Variants in PLCG1 observed in about 807,000 individuals in gnomAD.
The protein encoded by PLCG1 is phospholipase C gamma 1, also known as 1-phosphatidylinositol 4,5-bisphosphate phosphodiesterase gamma-1.
A neutral mutation model predicts 177.8 loss-of-function variants in PLCG1; 71 were observed. The observed-to-expected ratio is 0.40, with a 90% CI of 0.33 to 0.49. The LOEUF is 0.49. Among genes scored for constraint, PLCG1 ranks in the 20% least tolerant of loss-of-function variants. The pLI is 0.72. For synonymous variants in PLCG1, 658 were observed against 647.9 expected (o/e 1.02, Z -0.24); for missense variants, 1,281 against 1,709.0 (o/e 0.75, Z 4.42).
At position 41,166,042 on chromosome 20, in the gene PLCG1, GTTCATGTGA is replaced by G; in HGVS notation, c.1800-151_1800-143del. The G allele has an allele frequency of 2.8e-6, 2 of 716,894 alleles. No homozygotes were observed. Among genetic ancestry groups the G allele is most frequent in the Admixed American group, 2.8e-5 (1 of 35,814 alleles). The allele number at this position is 716,894 out of a possible 1,614,324, so 44.4% of individuals were successfully genotyped here. A position where few individuals can be genotyped will look rare whatever the true frequency, so the allele number is the denominator to read the frequency against. On this transcript the variant is annotated intron_variant, in intron 16 of 31. Transcript: ENST00000685551. The surrounding 1 kb of genome is among the most constrained non-coding windows in gnomAD (Gnocchi z 8.6). ...GGTTCATTTGAAGCCCACACCTTTG[GTTCATGTGA>G]CTGCCCACACCTGAGCTCCTCAGGA...
In PLCG1 at chr20:41,165,129, C is replaced by T. The variant is rs199871397; in HGVS notation, c.1386+28C>T. Reference sequence around the variant, plus strand: ...GGGGTGGCGGGCTTATTGCGGAAGCCCCACACTTCTCAGTGCCTTGCCCAG... The same window carrying T: ...GGGGTGGCGGGCTTATTGCGGAAGCTCCACACTTCTCAGTGCCTTGCCCAG... On this transcript the variant is annotated intron_variant, in intron 13 of 31. Transcript: ENST00000685551. This position sits in a 1 kb window ranked among gnomAD's most constrained non-coding sequence, Gnocchi z 6.6. 1.2e-6 allele frequency: 2 copies of T among 1,606,816 alleles called. No individual in the cohort carries two copies. The highest frequency in any genetic ancestry group is 2.7e-5 in the African/African-American group (2 of 74,952).
At chr20:41,138,255 C>A (rs936161617) in intron 1 of PLCG1, among the ~76,000 whole-genome samples, 22 of 152,134 alleles carry the variant, frequency 1.4e-4, no homozygotes, top group Admixed American at 7.9e-4. Context: ...AGACGGTCCC[C>A]GCCCACTCTT....
rs1195583686 is a variant in PLCG1, at chr20:41,162,515, C to T, written c.576C>T (p.Arg192=). ...SQVNYRVPNM[R]FLRERLTDLE... ...TCAACTACCGGGTCCCCAACATGCG[C>T]TTCCTCCGAGAGCGGCTGACGGTAA... is the stretch of plus-strand genomic sequence containing the variant. Residue 192 remains arginine (R), a synonymous_variant, in exon 5 of 32, where the codon CGC becomes CGT. Coordinates refer to ENST00000685551, the MANE Select transcript of PLCG1 (RefSeq NM_002660.3). 6.2e-7 allele frequency: 1 copy of T among 1,614,032 alleles called. No homozygotes were observed.
rs551640780 is a variant in PLCG1, at chr20:41,174,494, A to G, written c.3861A>G (p.Gly1287=). 29 of 1,583,296 alleles carry G rather than the reference A, an allele frequency of 1.8e-5. No individual in the cohort carries two copies. In the South Asian group the frequency reaches 3.2e-4, roughly 17 times the overall value. The change falls in exon 32 of 32, where the codon GGA becomes GGG. Residue 1287 remains glycine (G), a synonymous_variant. Transcript: ENST00000685551. This position sits in a 1 kb window ranked among gnomAD's most constrained non-coding sequence, Gnocchi z 5.8. ...RRAPRRTRVN[G]DNRL The stretch of plus-strand genomic sequence containing the variant: ...CCCCAAGAAGGACTCGGGTCAATGG[A>G]GACAACCGCCTCTAGTTGTACCCCA...
intron 4 of PLCG1, among the ~76,000 whole-genome samples, chr20:41,161,406 G>C (rs982713457): frequency 6.6e-6 from 1 of 152,188 alleles, no homozygotes; most frequent in African/African-American, 2.4e-5. Flanking sequence ...GGAGAGCTAA[G>C]CAGGGGCAAG....
chr20:41,169,527 G>T lies in PLCG1; in HGVS notation c.2650+1G>T. ...TTGGATGTGCCGGCTTGTCAGATTG[G>T]TGAGCTCCCATCTGTTTCTCTTGCC... On this transcript the variant is annotated splice_donor_variant, in intron 23 of 31. Coordinates refer to ENST00000685551, the MANE Select transcript of PLCG1 (RefSeq NM_002660.3). LOFTEE classifies it high-confidence loss of function. The T allele has an allele frequency of 6.2e-7, 1 of 1,610,708 alleles. No individual in the cohort carries two copies. Among genetic ancestry groups the T allele is most frequent in the Non-Finnish European group, 8.5e-7 (1 of 1,177,028 alleles).
Position 41,168,804 on chromosome 20 carries a change from GGGA to G in PLCG1, c.2421_2423del (p.Glu807del). The G allele has an allele frequency of 6.2e-7, 1 of 1,612,878 alleles. No homozygotes were observed. Among genetic ancestry groups the G allele is most frequent in the Non-Finnish European group, 8.5e-7 (1 of 1,179,396 alleles). ...GCCCTCTTTGACTACAAGGCCCAGA[GGGA>G]GGACGAGCTGACCTTCATCAAGAGC... On this transcript the variant is annotated inframe_deletion, in exon 21 of 32. Coordinates refer to ENST00000685551, the MANE Select transcript of PLCG1 (RefSeq NM_002660.3).
At position 41,159,926 on chromosome 20, in the gene PLCG1, G is replaced by A. The variant is rs1039805106; in HGVS notation, c.427G>A (p.Asp143Asn). ...CAAGGGCTTAACTTGGCTGATGGAG[G>A]ATACATTGCAGGCACCCACACCCCT... ...WIKGLTWLME[D>N]TLQAPTPLQI... Residue 143 changes from aspartate (D) to asparagine (N), a missense_variant, in exon 3 of 32, where the codon GAT (aspartate) becomes AAT (asparagine). Asp to Asn is a conservative substitution (Grantham distance 23). Transcript: ENST00000685551. The surrounding 1 kb of genome is among the most constrained non-coding windows in gnomAD (Gnocchi z 6.0). 4 of 1,614,134 alleles carry A rather than the reference G, an allele frequency of 2.5e-6. No individual in the cohort carries two copies. The highest frequency in any genetic ancestry group is 3.4e-6 in the Non-Finnish European group (4 of 1,179,996).
chr20:41,165,158 A>T lies in PLCG1; in HGVS notation c.1386+57A>T, dbSNP rs542268383. ...CACTTCTCAGTGCCTTGCCCAGGCCATGGCTTCAGCTGTTGGGCCTAAACC... is the reference window on the plus strand; with the variant it reads ...CACTTCTCAGTGCCTTGCCCAGGCCTTGGCTTCAGCTGTTGGGCCTAAACC... On this transcript the variant is annotated intron_variant, in intron 13 of 31. Transcript: ENST00000685551. The surrounding 1 kb of genome is among the most constrained non-coding windows in gnomAD (Gnocchi z 6.6). 37 of 1,603,484 alleles carry T rather than the reference A, an allele frequency of 2.3e-5. No individual in the cohort carries two copies. The highest frequency in any genetic ancestry group is 1.7e-4 in the Middle Eastern group (1 of 6,026).
In PLCG1 at chr20:41,165,637, A is replaced by G. The variant is rs1471038358; in HGVS notation, c.1612-2A>G. On this transcript the variant is annotated splice_acceptor_variant, in intron 15 of 31. Coordinates refer to ENST00000685551, the MANE Select transcript of PLCG1 (RefSeq NM_002660.3). LOFTEE classifies it high-confidence loss of function. This position sits in a 1 kb window ranked among gnomAD's most constrained non-coding sequence, Gnocchi z 6.6. ...ATCTTTGCTGTTGCCTTCCCCTGAC[A>G]GGTCAGCAGCAGCACAGAGCTGCAC... The G allele has an allele frequency of 6.2e-7, 1 of 1,612,614 alleles. No homozygotes were observed. Among genetic ancestry groups the G allele is most frequent in the Non-Finnish European group, 8.5e-7 (1 of 1,178,826 alleles).
At position 41,147,016 on chromosome 20, in the gene PLCG1, G is replaced by A. The variant is rs534677532; in HGVS notation, c.217+9158G>A. Among the ~76,000 whole-genome samples, 10 of 152,228 alleles carry A rather than the reference G, an allele frequency of 6.6e-5. No individual in the cohort carries two copies. The East Asian group carries it at 7.7e-4, about 12-fold the overall frequency. ...TCCCTCAGTTGGGAGGTTGGGCAGC[G>A]ATGGGGGCAGGGGTGATGGTCCTTC... On this transcript the variant is annotated intron_variant, in intron 1 of 31. Coordinates refer to ENST00000685551, the MANE Select transcript of PLCG1 (RefSeq NM_002660.3). The surrounding 1 kb of genome is among the most constrained non-coding windows in gnomAD (Gnocchi z 4.0).
At position 41,148,013 on chromosome 20, in the gene PLCG1, G is replaced by A. The variant is rs905522143; in HGVS notation, c.217+10155G>A. Among the ~76,000 whole-genome samples, 2 of 152,142 alleles carry A rather than the reference G, an allele frequency of 1.3e-5. No individual in the cohort carries two copies. Among genetic ancestry groups the A allele is most frequent in the Non-Finnish European group, 2.9e-5 (2 of 68,020 alleles). ...GTGGCTTGGCTTGGGCTGGCATGGC[G>A]CAAAGGGAGTGCAGCCAGATGCTGT... On this transcript the variant is annotated intron_variant, in intron 1 of 31. Transcript: ENST00000685551. The surrounding 1 kb of genome is among the most constrained non-coding windows in gnomAD (Gnocchi z 4.3).
chr20:41,160,186 G>T lies in PLCG1; in HGVS notation c.512+33G>T. On this transcript the variant is annotated intron_variant, in intron 4 of 31. Coordinates refer to ENST00000685551, the MANE Select transcript of PLCG1 (RefSeq NM_002660.3). The surrounding 1 kb of genome is among the most constrained non-coding windows in gnomAD (Gnocchi z 5.5). ...CTGAGCTGTGGCTGTAGCCCAGCAG[G>T]GTGGGGATGGGCATCCAGAACCTTA... 5.7e-6 allele frequency: 9 copies of T among 1,591,706 alleles called. No homozygotes were observed. Among genetic ancestry groups the T allele is most frequent in the Non-Finnish European group, 7.8e-6 (9 of 1,159,990 alleles).
intron 1 of PLCG1, among the ~76,000 whole-genome samples, chr20:41,152,860 G>C (rs2035208267): frequency 6.6e-6 from 1 of 152,250 alleles, no homozygotes; most frequent in Non-Finnish European, 1.5e-5. Context: ...TGGGCCTGGT[G>C]GGGGCTTAAG....
intron 24 of PLCG1, among the ~76,000 whole-genome samples, chr20:41,171,978 T>G (rs2035915999): frequency 6.6e-6 from 1 of 152,092 alleles, no homozygotes; most frequent in South Asian, 2.1e-4. Flanking sequence ...GGCAAATGTG[T>G]CCTCTGGGAC....
Position 41,174,753 on chromosome 20 carries a change from C to T in PLCG1, c.*244C>T. On this transcript the variant is annotated 3_prime_UTR_variant, in exon 32 of 32. Coordinates refer to ENST00000685551, the MANE Select transcript of PLCG1 (RefSeq NM_002660.3). The surrounding 1 kb of genome is among the most constrained non-coding windows in gnomAD (Gnocchi z 5.8). ...TACTGTGTTTCGCATTAAGCACACACATCTGGCCCTGACTTCTGGAGATGG... is the reference window on the plus strand; with the variant it reads ...TACTGTGTTTCGCATTAAGCACACATATCTGGCCCTGACTTCTGGAGATGG... 1.9e-6 allele frequency: 1 copy of T among 535,038 alleles called. No individual in the cohort carries two copies. Among genetic ancestry groups the T allele is most frequent in the Non-Finnish European group, 3.4e-6 (1 of 296,056 alleles). 33.1% of individuals were successfully genotyped at this position (535,038 alleles called of 1,614,324 possible).
chr20:41,170,613 T>C (rs1016867704), intron 24 of PLCG1: 4 of 222,054 alleles, frequency 1.8e-5, no homozygotes, highest in Admixed American at 1.6e-4. Context: ...TGGTGTCGCA[T>C]AGGAAGAGAA....
In PLCG1 at chr20:41,172,167, C is replaced by CT. The variant is rs1185689172; in HGVS notation, c.2809-25dup. The CT allele has an allele frequency of 6.4e-7, 1 of 1,573,952 alleles. No homozygotes were observed. Among genetic ancestry groups the CT allele is most frequent in the East Asian group, 2.2e-5 (1 of 44,670 alleles). ...TCCTGGGCAGGGCTGTAGCCTGGGGCTACAGGGCCTTGTGTGTGTCACCAG... is the reference window on the plus strand; with the variant it reads ...TCCTGGGCAGGGCTGTAGCCTGGGGCTTACAGGGCCTTGTGTGTGTCACCAG... On this transcript the variant is annotated intron_variant, in intron 24 of 31. Coordinates refer to ENST00000685551, the MANE Select transcript of PLCG1 (RefSeq NM_002660.3). The surrounding 1 kb of genome is among the most constrained non-coding windows in gnomAD (Gnocchi z 7.0).
Position 41,173,630 on chromosome 20 carries a change from C to T in PLCG1, c.3395-22C>T. The T allele has an allele frequency of 6.2e-7, 1 of 1,614,152 alleles. No homozygotes were observed. Among genetic ancestry groups the T allele is most frequent in the East Asian group, 2.2e-5 (1 of 44,886 alleles). On this transcript the variant is annotated intron_variant, in intron 28 of 31. Coordinates refer to ENST00000685551, the MANE Select transcript of PLCG1 (RefSeq NM_002660.3). This position sits in a 1 kb window ranked among gnomAD's most constrained non-coding sequence, Gnocchi z 6.2. ...CATCCTCTCCCACGGTGACCTGAAGCCTTTTGTCGTTGCCTTCACAGTGGA... is the reference window on the plus strand; with the variant it reads ...CATCCTCTCCCACGGTGACCTGAAGTCTTTTGTCGTTGCCTTCACAGTGGA...
Sources: allele counts gnomAD v4.1 joint callset (sites outside exome capture counted in the v4.1 genomes callset), GRCh38; gene constraint gnomAD v4.1.1; non-coding constraint Gnocchi (gnomAD v3.1); transcripts MANE v1.5; gene names NCBI Gene and HGNC (gene_info 2026-07-23, HGNC 2026-07-21).